Variants in TEX14 observed in about 807,000 individuals in gnomAD.
TEX14 encodes inactive serine/threonine-protein kinase TEX14.
A neutral mutation model predicts 178.6 loss-of-function variants in TEX14; 168 were observed. That is an observed-to-expected ratio of 0.94 (90% CI 0.83 to 1.07). TEX14 has a LOEUF of 1.07. Among genes scored for constraint, TEX14 ranks in the 50% least tolerant of loss-of-function variants. TEX14 has a pLI of 0.00. For missense variants in TEX14, 1,730 were observed against 1,753.6 expected (o/e 0.99, Z 0.24); for synonymous variants, 626 against 634.1 (o/e 0.99, Z 0.19).
At chr17:58,631,651 C>T (rs1190363659) in intron 2 of TEX14, 14 of 151,116 alleles carry the variant, frequency 9.3e-5, no homozygotes, top group African/African-American at 1.2e-4. Context: ...ACTACTCAGA[C>T]TGCCTTCTCT....
At chr17:58,631,657 T>C (rs1421561891) in intron 2 of TEX14, 2 of 150,576 alleles carry the variant, frequency 1.3e-5, no homozygotes, top group East Asian at 1.9e-4. Flanking sequence ...CAGACTGCCT[T>C]CTCTAGAGAA....
At chr17:58,646,484 C>A (rs1265541477) in intron 2 of TEX14, among the ~76,000 whole-genome samples, 1 of 152,122 alleles carries the variant, frequency 6.6e-6, no homozygotes, top group African/African-American at 2.4e-5. Flanking sequence ...CAACTCCTGC[C>A]TCATCAACTC....
rs771792312 is a variant in TEX14, at chr17:58,561,587, G to C, written c.4090C>G (p.Leu1364Val). The C allele has an allele frequency of 6.2e-7, 1 of 1,613,730 alleles. No individual in the cohort carries two copies. Among genetic ancestry groups the C allele is most frequent in the Non-Finnish European group, 8.5e-7 (1 of 1,179,736 alleles). Residue 1364 changes from leucine (L) to valine (V), a missense_variant, in exon 29 of 32, where the codon CTG becomes GTG. Physicochemically the swap from Leu to Val is conservative, Grantham distance 32 (BLOSUM62 1). This residue lies in a region of TEX14 where 941 missense variants were observed against 1,072.4 expected (regional missense o/e 0.88). Coordinates refer to ENST00000349033, the MANE Select transcript of TEX14 (RefSeq NM_031272.5). ...ERAHSTLDED[L>V]ERWLQPPEES... ...TCAGGTGGCTGCAGCCATCTTTCCAGGTCCTCATCCAGAGTAGAGTGAGCT... is the reference window on the plus strand; with the variant it reads ...TCAGGTGGCTGCAGCCATCTTTCCACGTCCTCATCCAGAGTAGAGTGAGCT...
intron 1 of TEX14, among the ~76,000 whole-genome samples, chr17:58,663,745 G>A (rs948605793): frequency 2.2e-4 from 33 of 152,132 alleles, no homozygotes; most frequent in Admixed American, 8.5e-4. Context: ...TGGGATTACA[G>A]GCATGAGCCA....
At chr17:58,655,737 C>T (rs1038942398) in intron 1 of TEX14, among the ~76,000 whole-genome samples, 1 of 152,266 alleles carries the variant, frequency 6.6e-6, no homozygotes, top group South Asian at 2.1e-4. Context: ...CACCCCGAGA[C>T]GAGCCCTCCT....
At chr17:58,571,866 A>G in intron 24 of TEX14, 55 bp downstream of exon 24, 1 of 1,505,678 alleles carries the variant, frequency 6.6e-7, no homozygotes, top group South Asian at 1.1e-5. Context: ...AGTTTGGGTC[A>G]CTGGGCCCTT....
chr17:58,578,577 A>C (rs539981045), intron 20 of TEX14, among the ~76,000 whole-genome samples: 1 of 152,192 alleles, frequency 6.6e-6, no homozygotes, highest in African/African-American at 2.4e-5. Context: ...AGACTTTTTC[A>C]CATACTTCAT....
chr17:58,647,514 T>A (rs2046739296), intron 2 of TEX14, among the ~76,000 whole-genome samples: 1 of 149,744 alleles, frequency 6.7e-6, no homozygotes, highest in Non-Finnish European at 1.5e-5. Flanking sequence ...CCTGGGCGAC[T>A]GAGCGAGACT....
In TEX14 at chr17:58,659,239, A is replaced by G. The variant is rs994388222; in HGVS notation, c.-1-7237T>C. 8 of 623,698 alleles carry G rather than the reference A, an allele frequency of 1.3e-5. No individual in the cohort carries two copies. The African/African-American group carries it at 1.6e-4, about 12-fold the overall frequency. The allele number at this position is 623,698 out of a possible 1,614,324, so 38.6% of individuals were successfully genotyped here. A position where few individuals can be genotyped will look rare whatever the true frequency, so the allele number is the denominator to read the frequency against. On this transcript the variant is annotated intron_variant, in intron 1 of 31. Coordinates refer to ENST00000349033, the MANE Select transcript of TEX14 (RefSeq NM_031272.5). ...GAAATCGCGGGAGCAAACACATAGT[A>G]AAAACCCTCCCCCAAGAAAAACACT...
At chr17:58,582,947 CCAAA>C (rs964470793) in intron 19 of TEX14, among the ~76,000 whole-genome samples, 2 of 151,618 alleles carry the variant, frequency 1.3e-5, no homozygotes, top group African/African-American at 2.4e-5. Flanking sequence ...TACTATGTGG[CCAAA>C]CAAATGGCTC....
chr17:58,570,269 T>C (rs949977967), intron 25 of TEX14, 116 bp downstream of exon 25: 1 of 603,784 alleles, frequency 1.7e-6, no homozygotes, highest in Non-Finnish European at 2.7e-6. Context: ...TTTACTTTTA[T>C]AATCATGGGG....
At chr17:58,563,641 AT>A in intron 28 of TEX14, among the ~76,000 whole-genome samples, 1 of 36,798 alleles carries the variant, frequency 2.7e-5, no homozygotes, top group Non-Finnish European at 4.6e-5. Context: ...ATATATATAT[AT>A]ATATATATAT....
intron 1 of TEX14, among the ~76,000 whole-genome samples, chr17:58,676,569 GAAAAC>G (rs1020347415): frequency 6.6e-6 from 1 of 151,816 alleles, no homozygotes; most frequent in Non-Finnish European, 1.5e-5. Flanking sequence ...TCAAACAAAA[GAAAAC>G]AAAACAAAAC....
chr17:58,674,485 C>T (rs536135024), intron 1 of TEX14, among the ~76,000 whole-genome samples: 4 of 151,984 alleles, frequency 2.6e-5, no homozygotes, highest in African/African-American at 4.8e-5. Context: ...GCCTGGCCAA[C>T]GTGGCGAAAC....
rs780324768 is a variant in TEX14 at position 58,565,828 on chromosome 17, T to C, written c.3887-4A>G. Reference sequence around the variant, plus strand: ...CCCTGCTGCTGTTTCAAGAGCTCTGTCACAACACAAAAGCCAAAGGAAACT... The same window carrying C: ...CCCTGCTGCTGTTTCAAGAGCTCTGCCACAACACAAAAGCCAAAGGAAACT... On this transcript the variant is annotated splice_region_variant and splice_polypyrimidine_tract_variant and intron_variant, in intron 26 of 31. Transcript: ENST00000349033. 5 of 1,602,230 alleles carry C rather than the reference T, an allele frequency of 3.1e-6. No individual in the cohort carries two copies. The highest frequency in any genetic ancestry group is 1.7e-5 in the Admixed American group (1 of 58,680).
At chr17:58,619,821 G>A (rs2045957505) in intron 5 of TEX14, among the ~76,000 whole-genome samples, 1 of 151,780 alleles carries the variant, frequency 6.6e-6, no homozygotes, top group Admixed American at 6.6e-5. Context: ...AAAAAAGGTG[G>A]GGGAAGAGGA....
chr17:58,678,206 T>A (rs987781325), intron 1 of TEX14, among the ~76,000 whole-genome samples: 15 of 152,086 alleles, frequency 9.9e-5, no homozygotes, highest in Non-Finnish European at 2.2e-4. Flanking sequence ...GAAAAGCTTA[T>A]CCAGATGGGC....
In TEX14 at chr17:58,617,415, A is replaced by T. The variant is rs2045897548; in HGVS notation, c.636+123T>A. 3 of 697,438 alleles carry T rather than the reference A, an allele frequency of 4.3e-6. No homozygotes were observed. In the East Asian group the frequency reaches 7.7e-5, roughly 18 times the overall value. 43.2% of individuals were successfully genotyped at this position (697,438 alleles called of 1,614,324 possible). A position where few individuals can be genotyped will look rare whatever the true frequency, so the allele number is the denominator to read the frequency against. ...AGATACCTTTCCCTCAATAGGGGCA[A>T]AAAAGAAAAGAACAACACTTTGGTG... On this transcript the variant is annotated intron_variant, in intron 6 of 31. Transcript: ENST00000349033.
intron 1 of TEX14, among the ~76,000 whole-genome samples, chr17:58,680,270 A>G (rs1301627410): frequency 6.6e-6 from 1 of 152,182 alleles, no homozygotes; most frequent in Non-Finnish European, 1.5e-5. Flanking sequence ...GTTTGAAAAC[A>G]TGAAATTTGG....
Sources: gnomAD v4.1 joint callset for allele counts (sites outside exome capture counted in the v4.1 genomes callset) on GRCh38, gnomAD v4.1.1 for gene constraint, gnomAD v4.1.1 regional missense constraint, MANE v1.5 for transcripts, NCBI Gene and HGNC (gene_info 2026-07-23, HGNC 2026-07-21) for gene names.